ASAP1: variants seen among roughly 807,000 people sequenced by gnomAD.
ASAP1 encodes arf-GAP with SH3 domain, ANK repeat and PH domain-containing protein 1.
A neutral mutation model predicts 145.2 loss-of-function variants in ASAP1; 43 were observed. The ratio of observed to expected loss-of-function variants is 0.30; its 90% CI spans 0.23 to 0.38. ASAP1 has a LOEUF of 0.38. ASAP1 is among the 10% of genes least tolerant of loss of function. The probability of loss-of-function intolerance (pLI) is 1.00; values close to 1 mark genes in which losing one functional copy is unlikely to be tolerated. For missense variants in ASAP1, 1,018 were observed against 1,355.3 expected, an observed-to-expected ratio of 0.75 and a Z score of 3.91; for synonymous variants, 546 against 515.5, an observed-to-expected ratio of 1.06 and a Z score of -0.80.
chr8:130,252,661 C>A (rs1413098064), intron 3 of ASAP1, among the ~76,000 whole-genome samples: 1 of 152,106 alleles, frequency 6.6e-6, no homozygotes, highest in Non-Finnish European at 1.5e-5. Flanking sequence ...ACCTTGTGAA[C>A]CTCTAATTTC....
At chr8:130,179,618 C>A (rs573594721) in intron 8 of ASAP1, among the ~76,000 whole-genome samples, 2 of 152,236 alleles carry the variant, frequency 1.3e-5, no homozygotes, top group South Asian at 4.1e-4. Context: ...ATTATTTCCC[C>A]TTGGTGCAGT....
At chr8:130,267,812 C>G (rs1396175003) in intron 3 of ASAP1, among the ~76,000 whole-genome samples, 2 of 152,108 alleles carry the variant, frequency 1.3e-5, no homozygotes, top group African/African-American at 4.8e-5. Context: ...GTAGTCTATA[C>G]AAGGGGATGT....
chr8:130,207,684 G>A (rs991582571), intron 5 of ASAP1, among the ~76,000 whole-genome samples: 27 of 152,154 alleles, frequency 1.8e-4, no homozygotes, highest in African/African-American at 6.3e-4. Context: ...CCATGCACTT[G>A]TAAGTATGCC....
intron 3 of ASAP1, among the ~76,000 whole-genome samples, chr8:130,322,751 A>G (rs1586828369): frequency 6.6e-6 from 1 of 152,360 alleles, no homozygotes; most frequent in Middle Eastern, 3.4e-3. Flanking sequence ...AAGTGAGTTT[A>G]CAACCTGGTA....
chr8:130,118,768 T>A, intron 18 of ASAP1, 93 bp from the exon 19 acceptor site: 1 of 911,012 alleles, frequency 1.1e-6, no homozygotes, highest in South Asian at 2.8e-5. Flanking sequence ...GAAGTTATTT[T>A]AATTAAGATA....
At chr8:130,293,532 A>G (rs1257011565) in intron 3 of ASAP1, among the ~76,000 whole-genome samples, 1 of 152,210 alleles carries the variant, frequency 6.6e-6, no homozygotes, top group African/African-American at 2.4e-5. Flanking sequence ...CCCAGCTTAG[A>G]ATGACAGTAC....
chr8:130,123,472 G>A (rs1490278370), intron 18 of ASAP1, among the ~76,000 whole-genome samples: 3 of 152,226 alleles, frequency 2.0e-5, no homozygotes, highest in African/African-American at 4.8e-5. Context: ...GAGCAGGTGC[G>A]CAGCTGCAAC....
At chr8:130,350,042 T>C (rs576178689) in intron 3 of ASAP1, among the ~76,000 whole-genome samples, 1 of 152,250 alleles carries the variant, frequency 6.6e-6, no homozygotes, top group South Asian at 2.1e-4. Context: ...CTGGGTAGTG[T>C]TTGAACATCC....
chr8:130,274,561 C>T (rs1820768247), intron 3 of ASAP1, among the ~76,000 whole-genome samples: 1 of 152,226 alleles, frequency 6.6e-6, no homozygotes, highest in South Asian at 2.1e-4. Flanking sequence ...CACACAATAT[C>T]AACTTGACAT....
At chr8:130,288,768 ACAG>A (rs1393516517) in intron 3 of ASAP1, among the ~76,000 whole-genome samples, 2 of 152,254 alleles carry the variant, frequency 1.3e-5, no homozygotes, top group African/African-American at 4.8e-5. Context: ...CAAGATGTTC[ACAG>A]CAGCATTACT....
At chr8:130,340,292 AAGAAGAC>A (rs1825294861) in intron 3 of ASAP1, among the ~76,000 whole-genome samples, 1 of 152,210 alleles carries the variant, frequency 6.6e-6, no homozygotes, top group African/African-American at 2.4e-5. Context: ...CTCTGAGAGG[AAGAAGAC>A]AGGGCTCTGC....
At chr8:130,240,119 AT>A (rs920178480) in intron 3 of ASAP1, among the ~76,000 whole-genome samples, 1 of 152,096 alleles carries the variant, frequency 6.6e-6, no homozygotes, top group African/African-American at 2.4e-5. Context: ...CAGCCATAAC[AT>A]TTTTTGAGAC....
chr8:130,233,499 T>G (rs2136637466), intron 4 of ASAP1, among the ~76,000 whole-genome samples: 1 of 152,286 alleles, frequency 6.6e-6, no homozygotes, highest in South Asian at 2.1e-4. Context: ...AGTTTCATCA[T>G]CTATAAAATG....
intron 5 of ASAP1, among the ~76,000 whole-genome samples, chr8:130,189,664 A>G (rs1016517123): frequency 6.6e-6 from 1 of 152,162 alleles, no homozygotes; most frequent in Non-Finnish European, 1.5e-5. Flanking sequence ...TCTTTTAGGT[A>G]TATACCCAGC....
intron 1 of ASAP1, among the ~76,000 whole-genome samples, chr8:130,413,857 A>G (rs1829364561): frequency 6.6e-6 from 1 of 152,146 alleles, no homozygotes; most frequent in Non-Finnish European, 1.5e-5. Flanking sequence ...TATGAAATAT[A>G]TATTTGACTG....
In ASAP1 at chr8:130,388,384, G is replaced by C. The variant is rs367757888; in HGVS notation, c.59+13501C>G. Among the ~76,000 whole-genome samples, 63 of 152,322 alleles carry C rather than the reference G, an allele frequency of 4.1e-4. 2 individuals are homozygous for C. In the South Asian group the frequency reaches 0.012, roughly 29 times the overall value. ...GGCTGTAAGCAGGGGTGCAGCATGA[G>C]CTGCAAGAGGAGTGAGGAGAATAAT... On this transcript the variant is annotated intron_variant, in intron 2 of 29. Transcript: ENST00000518721.
In ASAP1 at chr8:130,288,352, T is replaced by TAA. The variant is rs879624716; in HGVS notation, c.187-51360_187-51359dup. On this transcript the variant is annotated intron_variant, in intron 3 of 29. Transcript: ENST00000518721. ...TCCATTCTTTTACAAGAGCTGATATTAAAAAAAAAAAAAATTCCTTGTTGA... is the reference window on the plus strand; with the variant it reads ...TCCATTCTTTTACAAGAGCTGATATTAAAAAAAAAAAAAAAATTCCTTGTTGA... 1.2e-4 allele frequency among the ~76,000 whole-genome samples: 18 copies of TAA among 144,116 alleles called. No individual in the cohort carries two copies. The East Asian group carries it at 1.6e-3, about 13-fold the overall frequency. The allele number at this position is 144,116 out of a possible 152,430, so 94.5% of individuals were successfully genotyped here.
At chr8:130,232,494 G>A (rs528241409) in intron 4 of ASAP1, among the ~76,000 whole-genome samples, 1 of 152,172 alleles carries the variant, frequency 6.6e-6, no homozygotes, top group East Asian at 1.9e-4. Context: ...TTTTCCATTG[G>A]TCTAAGTAGT....
chr8:130,118,421 A>G (rs779697041), intron 19 of ASAP1, 68 bp downstream of exon 19: 18 of 1,502,674 alleles, frequency 1.2e-5, no homozygotes, highest in Non-Finnish European at 1.6e-5. Context: ...GTATAATGTT[A>G]AAATAAGTCA....
Sources: gnomAD v4.1 joint callset for allele counts (sites outside exome capture counted in the v4.1 genomes callset) on GRCh38, gnomAD v4.1.1 for gene constraint, MANE v1.5 for transcripts, NCBI Gene and HGNC (gene_info 2026-07-23, HGNC 2026-07-21) for gene names.